The following B4GALNT1 variants were observed in gnomAD, a reference collection of about 807,000 sequenced individuals.
B4GALNT1 encodes beta-1,4-N-acetyl-galactosaminyltransferase 1.
B4GALNT1 carries 43 observed loss-of-function variants against 55.2 expected under a neutral mutation model. The ratio of observed to expected loss-of-function variants is 0.78; its 90% CI spans 0.61 to 1.00. B4GALNT1 has a LOEUF of 1.00. B4GALNT1 is among the 50% of genes least tolerant of loss of function. The pLI is 0.00. For synonymous variants in B4GALNT1, 305 were observed against 311.6 expected, an observed-to-expected ratio of 0.98 and a Z score of 0.22; for missense variants, 664 against 729.7, an observed-to-expected ratio of 0.91 and a Z score of 1.04.
chr12:57,625,856 A>T lies in B4GALNT1; in HGVS notation c.*888T>A. Reference sequence around the variant, plus strand: ...TGAATAGTAGATTGAAGACCAAATCAGGGAGCCCGGGCTGAGCTATGGGTG... The same window carrying T: ...TGAATAGTAGATTGAAGACCAAATCTGGGAGCCCGGGCTGAGCTATGGGTG... On this transcript the variant is annotated 3_prime_UTR_variant, in exon 11 of 11. Transcript: ENST00000341156. 7.8e-7 allele frequency: 1 copy of T among 1,279,992 alleles called. No individual in the cohort carries two copies. The highest frequency in any genetic ancestry group is 1.0e-6 in the Non-Finnish European group (1 of 982,246). The allele number at this position is 1,279,992 out of a possible 1,614,324, so 79.3% of individuals were successfully genotyped here.
At position 57,626,811 on chromosome 12, in the gene B4GALNT1, T is replaced by C; in HGVS notation, c.1535A>G (p.Glu512Gly). The C allele has an allele frequency of 1.2e-6, 2 of 1,614,228 alleles. No homozygotes were observed. Among genetic ancestry groups the C allele is most frequent in the Non-Finnish European group, 1.7e-6 (2 of 1,180,040 alleles). Residue 512 changes from glutamate to glycine, a missense_variant, in exon 11 of 11, where the codon GAG becomes GGG. Physicochemically the swap from Glu to Gly is moderately conservative, Grantham distance 98 (BLOSUM62 -2). Coordinates refer to ENST00000341156, the MANE Select transcript of B4GALNT1 (RefSeq NM_001478.5). ...ARYRYPGSLD[E>G]SQMAKHRLLF... is the part of the protein sequence containing the mutation. Reference sequence around the variant, plus strand: ...CAGCCGGTGTTTGGCCATCTGGCTCTCGTCCAGTGATCCTGGGTAACGGTA... The same window carrying C: ...CAGCCGGTGTTTGGCCATCTGGCTCCCGTCCAGTGATCCTGGGTAACGGTA...
Position 57,624,012 on chromosome 12 carries a change from G to T in B4GALNT1, c.*2732C>A. On this transcript the variant is annotated 3_prime_UTR_variant, in exon 11 of 11. Transcript: ENST00000341156. ...CCTCCTCTGCCTCAAGGCTGTCCTGGCTTGCATCAACATCTCCAGCATGCG... is the reference window on the plus strand; with the variant it reads ...CCTCCTCTGCCTCAAGGCTGTCCTGTCTTGCATCAACATCTCCAGCATGCG... 6.2e-7 allele frequency: 1 copy of T among 1,611,756 alleles called. No individual in the cohort carries two copies. The highest frequency in any genetic ancestry group is 8.5e-7 in the Non-Finnish European group (1 of 1,178,570).
At chr12:57,628,436 G>T in intron 8 of B4GALNT1, 174 bp from the exon 9 acceptor site, 2 of 1,013,798 alleles carry the variant, frequency 2.0e-6, no homozygotes, top group South Asian at 1.7e-5. Flanking sequence ...GAGGTTCCAA[G>T]TCAGTGGTCT....
At chr12:57,632,298 ACC>A (rs1342676934) in intron 1 of B4GALNT1, 165 bp from the exon 2 acceptor site, 1 of 739,626 alleles carries the variant, frequency 1.4e-6, no homozygotes, top group Non-Finnish European at 2.4e-6. Flanking sequence ...TTTTCCCGGT[ACC>A]CCTCCCCTCA....
chr12:57,623,548 T>C lies in B4GALNT1; in HGVS notation c.*3196A>G. On this transcript the variant is annotated 3_prime_UTR_variant, in exon 11 of 11. Coordinates refer to ENST00000341156, the MANE Select transcript of B4GALNT1 (RefSeq NM_001478.5). ...GCCCTAAACACATATACCCTGCTTA[T>C]AGGGTAACCCAACAGTGGCTTTTAA... 4.0e-6 allele frequency: 2 copies of C among 502,112 alleles called. No individual in the cohort carries two copies. The highest frequency in any genetic ancestry group is 7.1e-6 in the Non-Finnish European group (2 of 282,314). The allele number at this position is 502,112 out of a possible 1,614,324, so 31.1% of individuals were successfully genotyped here.
chr12:57,632,539 A>G (rs1028218753), intron 1 of B4GALNT1: 3 of 284,396 alleles, frequency 1.1e-5, no homozygotes, highest in African/African-American at 6.9e-5. Context: ...TCTGAGCATC[A>G]CCTGGGCCGG....
Position 57,630,984 on chromosome 12 carries a change from CACCA to C in B4GALNT1, c.482_485del (p.Leu161CysfsTer4). 2 of 1,612,746 alleles carry C rather than the reference CACCA, an allele frequency of 1.2e-6. No individual in the cohort carries two copies. Among genetic ancestry groups the C allele is most frequent in the Non-Finnish European group, 1.7e-6 (2 of 1,179,746 alleles). On this transcript the variant is annotated frameshift_variant, in exon 4 of 11. Coordinates refer to ENST00000341156, the MANE Select transcript of B4GALNT1 (RefSeq NM_001478.5). LOFTEE classifies it high-confidence loss of function. ...CTCTGGGACCCTCCTCCCTACCTGG[CACCA>C]AGATGCTCCTGAGGGGCTGAACTTC...
chr12:57,625,494 G>A lies in B4GALNT1; in HGVS notation c.*1250C>T. The A allele has an allele frequency of 6.2e-7, 1 of 1,614,182 alleles. No individual in the cohort carries two copies. The highest frequency in any genetic ancestry group is 8.5e-7 in the Non-Finnish European group (1 of 1,180,000). ...GATGTGTGGAGAAGAGCGGGGCCCA[G>A]TGCCTGGGCAATGACTGGACACCTG... On this transcript the variant is annotated 3_prime_UTR_variant, in exon 11 of 11. Transcript: ENST00000341156.
chr12:57,632,413 T>G (rs1885286373), intron 1 of B4GALNT1: 2 of 553,160 alleles, frequency 3.6e-6, no homozygotes, highest in African/African-American at 3.8e-5. Flanking sequence ...CTGAAGACAT[T>G]TGGATGCCGC....
intron 8 of B4GALNT1, 58 bp downstream of exon 8, chr12:57,628,655 G>A (rs748614937): frequency 3.1e-6 from 5 of 1,597,890 alleles, no homozygotes; most frequent in Middle Eastern, 2.1e-4. Flanking sequence ...GCTGCAGATT[G>A]AGGGCACACC....
At position 57,630,307 on chromosome 12, in the gene B4GALNT1, G is replaced by A. The variant is rs762597737; in HGVS notation, c.557C>T (p.Thr186Ile). 3 of 1,613,990 alleles carry A rather than the reference G, an allele frequency of 1.9e-6. No individual in the cohort carries two copies. The highest frequency in any genetic ancestry group is 3.3e-5 in the Admixed American group (2 of 60,012). Residue 186 changes from threonine (T) to isoleucine (I), a missense_variant, in exon 6 of 11, where the codon ACC becomes ATC. Thr to Ile is a moderately conservative substitution (Grantham distance 89). Coordinates refer to ENST00000341156, the MANE Select transcript of B4GALNT1 (RefSeq NM_001478.5). Reference sequence around the variant, plus strand: ...AGTCACTTCCCCTGCCACGTCCCAGGTGCCTAGGGAGGCAGTCAGGTTCAC... The same window carrying A: ...AGTCACTTCCCCTGCCACGTCCCAGATGCCTAGGGAGGCAGTCAGGTTCAC... Reference protein sequence around the residue: ...YQVNLTASLGTWDVAGEVTGV... With the variant: ...YQVNLTASLGIWDVAGEVTGV...
chr12:57,631,845 G>C, intron 2 of B4GALNT1, 70 bp downstream of exon 2: 2 of 1,304,090 alleles, frequency 1.5e-6, no homozygotes, highest in African/African-American at 3.1e-5. Flanking sequence ...GAGCCCAGCA[G>C]TGGAGAAAAC....
chr12:57,630,122 C>G, intron 6 of B4GALNT1, 30 bp downstream of exon 6: 3 of 1,614,236 alleles, frequency 1.9e-6, no homozygotes, highest in Non-Finnish European at 2.5e-6. Context: ...GTTTGCCCAG[C>G]CTGCCCGTCT....
At chr12:57,631,436 C>G (rs1885207018) in intron 2 of B4GALNT1, 72 bp from the exon 3 acceptor site, 1 of 1,532,262 alleles carries the variant, frequency 6.5e-7, no homozygotes, top group African/African-American at 1.4e-5. Context: ...AACACTGACA[C>G]AGCACCCCAC....
Position 57,626,703 on chromosome 12 carries a change from A to G in B4GALNT1, c.*41T>C, listed in dbSNP as rs1884831139. The G allele has an allele frequency of 1.9e-6, 3 of 1,605,910 alleles. No homozygotes were observed. In the East Asian group the frequency reaches 6.7e-5, roughly 36 times the overall value. On this transcript the variant is annotated 3_prime_UTR_variant, in exon 11 of 11. Transcript: ENST00000341156. The stretch of plus-strand genomic sequence containing the variant: ...TTGGAAATTCCTGGCAGGGACAAGG[A>G]GGCAGGCCCAGCCTGACAGTCAGAA...
chr12:57,632,039 CG>C lies in B4GALNT1; in HGVS notation c.93del (p.Gly32AlafsTer40). 1 of 1,444,180 alleles carries C rather than the reference CG, an allele frequency of 6.9e-7. No individual in the cohort carries two copies. The highest frequency in any genetic ancestry group is 9.1e-7 in the Non-Finnish European group (1 of 1,097,298). The allele number at this position is 1,444,180 out of a possible 1,614,324, so 89.5% of individuals were successfully genotyped here. A position where few individuals can be genotyped will look rare whatever the true frequency, so the allele number is the denominator to read the frequency against. On this transcript the variant is annotated frameshift_variant, in exon 2 of 11. Transcript: ENST00000341156. LOFTEE classifies it high-confidence loss of function. ...CACGGCGCAAGAGGTAGCCGGAGGC[CG>C]GGCGCGTCCCGGGTGCTCGCGTACA... ...GLLYASTRDA[P>X]GLRLPLAPWA...
Position 57,623,421 on chromosome 12 carries a change from A to G in B4GALNT1, c.*3323T>C. On this transcript the variant is annotated 3_prime_UTR_variant, in exon 11 of 11. Transcript: ENST00000341156. ...CAAAACTATAAAATAAACTTAAGAG[A>G]TAAAATTCTTATTTTTTTCACACAA... The G allele has an allele frequency of 2.1e-6, 1 of 484,572 alleles. No homozygotes were observed. Among genetic ancestry groups the G allele is most frequent in the South Asian group, 3.2e-5 (1 of 31,128 alleles). The allele number at this position is 484,572 out of a possible 1,614,324, so 30.0% of individuals were successfully genotyped here.
chr12:57,626,940 C>G lies in B4GALNT1; in HGVS notation c.1406G>C (p.Gly469Ala). The change falls in exon 11 of 11, where the codon GGT becomes GCT. Residue 469 changes from glycine to alanine, a missense_variant. Transcript: ENST00000341156. ...GGAGCAGGAGCCAACCCGAAGGGAA[C>G]CAAGCCCATCCAAGAAGAATTCTGG... is the stretch of plus-strand genomic sequence containing the variant. ...AHLEFFLDGL[G>A]SLRVGSCSDV... is the part of the protein sequence containing the mutation. The G allele has an allele frequency of 6.2e-7, 1 of 1,613,870 alleles. No individual in the cohort carries two copies. The highest frequency in any genetic ancestry group is 8.5e-7 in the Non-Finnish European group (1 of 1,179,858).
chr12:57,629,053 T>G lies in B4GALNT1; in HGVS notation c.806A>C (p.Gln269Pro). The change falls in exon 7 of 11, where the codon CAG becomes CCG. Residue 269 changes from glutamine to proline, a missense_variant. Transcript: ENST00000341156. ...CCTGCCCCTACCAGCCTCACCTCCC[T>G]GGGGTAGAGACCCAGGTGGGTACAG... Reference protein sequence around the residue: ...PRLYPPGSLPQGAQYNISALV... With the variant: ...PRLYPPGSLPPGAQYNISALV... The G allele has an allele frequency of 6.3e-7, 1 of 1,585,564 alleles. No individual in the cohort carries two copies. Among genetic ancestry groups the G allele is most frequent in the Non-Finnish European group, 8.6e-7 (1 of 1,161,492 alleles).
Sources: allele counts gnomAD v4.1 joint callset, GRCh38; gene constraint gnomAD v4.1.1; transcripts MANE v1.5; gene names NCBI Gene and HGNC (gene_info 2026-07-23, HGNC 2026-07-21).